Variants in PLG observed in about 807,000 individuals in gnomAD.
PLG encodes plasmin.
Under a neutral mutation model 104.4 loss-of-function variants are expected in PLG, and 41 were observed. The ratio of observed to expected loss-of-function variants is 0.39; its 90% CI spans 0.31 to 0.51. PLG has a LOEUF of 0.51. PLG is among the 20% of genes least tolerant of loss of function. The pLI, the probability that PLG is intolerant of heterozygous loss-of-function variation, is 0.76. For missense variants in PLG, 891 were observed against 1,003.6 expected (o/e 0.89, Z 1.52); for synonymous variants, 337 against 357.1 (o/e 0.94, Z 0.63).
intron 3 of PLG, among the ~76,000 whole-genome samples, chr6:160,709,211 T>C (rs957923215): frequency 6.6e-6 from 1 of 152,186 alleles, no homozygotes; most frequent in African/African-American, 2.4e-5. Context: ...AGTCATTTTT[T>C]GGTCCTTGTT....
At position 160,705,086 on chromosome 6, in the gene PLG, C is replaced by T. The variant is rs540497607; in HGVS notation, c.50-1321C>T. ...ACCCACCCCCTCTGCCTGCGGCCCC[C>T]ACCACGCCCCTCAAAGTGGTCAAGG... On this transcript the variant is annotated intron_variant, in intron 1 of 18. Transcript: ENST00000308192. Among the ~76,000 whole-genome samples, 381 of 152,304 alleles carry T rather than the reference C, an allele frequency of 2.5e-3. 2 individuals carry two copies. The highest frequency in any genetic ancestry group is 8.7e-3 in the African/African-American group (362 of 41,554).
At chr6:160,716,447 A>G (rs1005352660) in intron 6 of PLG, among the ~76,000 whole-genome samples, 198 bp from the exon 7 acceptor site, 1 of 151,924 alleles carries the variant, frequency 6.6e-6, no homozygotes, top group African/African-American at 2.4e-5. Context: ...AAAAACAAAC[A>G]AAAAAAAGAA....
intron 6 of PLG, 84 bp from the exon 7 acceptor site, chr6:160,716,561 G>T: frequency 1.2e-6 from 1 of 851,744 alleles, no homozygotes. Flanking sequence ...GCACACAGCA[G>T]GTGCTCAATG....
chr6:160,714,981 G>A (rs1777706628), intron 6 of PLG, 67 bp downstream of exon 6: 3 of 1,511,212 alleles, frequency 2.0e-6, no homozygotes, highest in East Asian at 2.3e-5. Flanking sequence ...GACATTTGCT[G>A]TCATTTAGAT....
intron 5 of PLG, among the ~76,000 whole-genome samples, chr6:160,713,850 C>T (rs1477716495): frequency 6.6e-6 from 1 of 152,142 alleles, no homozygotes; most frequent in African/African-American, 2.4e-5. Context: ...TTTAATAGTG[C>T]ACCTCAAAGG....
intron 3 of PLG, among the ~76,000 whole-genome samples, chr6:160,709,801 A>G (rs1157042699): frequency 6.6e-6 from 1 of 152,246 alleles, no homozygotes; most frequent in Non-Finnish European, 1.5e-5. Context: ...TTGGGTTAAA[A>G]GCATTAGTTT....
chr6:160,731,158 CAG>C lies in PLG; in HGVS notation c.1365_1366del (p.Gly456AsnfsTer56). ...GAGTACTGCAACCTGAAAAAATGCTCAGGAACAGAAGCGAGTGTTGTAGCACC... is the reference window on the plus strand; with the variant it reads ...GAGTACTGCAACCTGAAAAAATGCTCGAACAGAAGCGAGTGTTGTAGCACC... On this transcript the variant is annotated frameshift_variant, in exon 11 of 19. Coordinates refer to ENST00000308192, the MANE Select transcript of PLG (RefSeq NM_000301.5). LOFTEE classifies it high-confidence loss of function. This position sits in a 1 kb window ranked among gnomAD's most constrained non-coding sequence, Gnocchi z 5.1. 1 of 1,614,114 alleles carries C rather than the reference CAG, an allele frequency of 6.2e-7. No homozygotes were observed.
rs4252119 is a variant in PLG at position 160,722,533 on chromosome 6, C to T, written c.1222C>T (p.Arg408Trp). The T allele has an allele frequency of 2.3e-3, 3,728 of 1,613,858 alleles. 76 individuals carry two copies. In the African/African-American group the frequency reaches 0.04, roughly 17 times the overall value. ...CQSWSSMTPH[R>W]HQKTPENYPN... ...GTCTTGGTCATCTATGACACCACAC[C>T]GGCACCAGAAGACCCCAGAAAACTA... The change falls in exon 10 of 19, where the codon CGG becomes TGG. Residue 408 changes from arginine (R) to tryptophan (W), a missense_variant. Arg to Trp is a moderately radical substitution (Grantham distance 101). This residue lies in a region of PLG where 854 missense variants were observed against 932.1 expected (regional missense o/e 0.92). Transcript: ENST00000308192.
rs1390810809 is a variant in PLG, at chr6:160,723,727, G to T, written c.1256+1160G>T. On this transcript the variant is annotated intron_variant, in intron 10 of 18. Coordinates refer to ENST00000308192, the MANE Select transcript of PLG (RefSeq NM_000301.5). The surrounding 1 kb of genome is among the most constrained non-coding windows in gnomAD (Gnocchi z 4.7). ...CAGAGAGAAAATAGGATAAAGAACA[G>T]CTACTGGGGAAAGAAAAACTGCAGG... 6.6e-6 allele frequency among the ~76,000 whole-genome samples: 1 copy of T among 152,166 alleles called. No individual in the cohort carries two copies. Among genetic ancestry groups the T allele is most frequent in the African/African-American group, 2.4e-5 (1 of 41,440 alleles).
chr6:160,704,856 A>G (rs1171439022), intron 1 of PLG, among the ~76,000 whole-genome samples: 1 of 152,292 alleles, frequency 6.6e-6, no homozygotes, highest in East Asian at 1.9e-4. Context: ...TACCCTCAGG[A>G]GGTCAGGACA....
chr6:160,745,743 G>A (rs984070253), intron 17 of PLG, among the ~76,000 whole-genome samples: 14 of 152,152 alleles, frequency 9.2e-5, no homozygotes, highest in Admixed American at 3.3e-4. Context: ...ATTGGTCTGC[G>A]TATTTAAGTA....
intron 3 of PLG, among the ~76,000 whole-genome samples, chr6:160,710,097 C>A (rs1187386577): frequency 6.6e-6 from 1 of 152,160 alleles, no homozygotes; most frequent in Non-Finnish European, 1.5e-5. Context: ...CATATCTCGA[C>A]ATTTATTAAT....
intron 1 of PLG, among the ~76,000 whole-genome samples, chr6:160,703,410 G>T (rs968337211): frequency 6.6e-6 from 1 of 152,090 alleles, no homozygotes; most frequent in Non-Finnish European, 1.5e-5. Flanking sequence ...CCCCAAAAAC[G>T]CACTCCACTC....
chr6:160,730,758 T>G (rs1777986192), intron 10 of PLG: 2 of 320,458 alleles, frequency 6.2e-6, no homozygotes, highest in East Asian at 1.4e-4. Flanking sequence ...TGGCAGAAGG[T>G]GGGAGGGGGA....
chr6:160,747,098 A>T (rs139126299), intron 17 of PLG, among the ~76,000 whole-genome samples: 134 of 152,358 alleles, frequency 8.8e-4, no homozygotes, highest in African/African-American at 3.1e-3. Context: ...TAAAACAATA[A>T]CAACAAAAGT....
At chr6:160,710,700 C>T (rs1169710942) in intron 3 of PLG, among the ~76,000 whole-genome samples, 1 of 152,184 alleles carries the variant, frequency 6.6e-6, no homozygotes, top group Non-Finnish European at 1.5e-5. Context: ...TCTGTCTCAT[C>T]ATGTATGTAA....
intron 10 of PLG, among the ~76,000 whole-genome samples, chr6:160,730,169 G>A (rs1418312517): frequency 6.6e-6 from 1 of 152,200 alleles, no homozygotes; most frequent in African/African-American, 2.4e-5. Flanking sequence ...CCCAGCCCGG[G>A]GTCCTCGCCT....
chr6:160,731,422 T>C lies in PLG; in HGVS notation c.1438+190T>C, dbSNP rs562599540. 6.6e-6 allele frequency among the ~76,000 whole-genome samples: 1 copy of C among 152,166 alleles called. No individual in the cohort carries two copies. The highest frequency in any genetic ancestry group is 6.5e-5 in the Admixed American group (1 of 15,280). The stretch of plus-strand genomic sequence containing the variant: ...GGTGTGACTTTTGGCACAACGTGAG[T>C]GGGCTGTGCCTTTAGGACAGGTGCA... On this transcript the variant is annotated intron_variant, in intron 11 of 18. Transcript: ENST00000308192. This position sits in a 1 kb window ranked among gnomAD's most constrained non-coding sequence, Gnocchi z 5.1.
rs755816688 is a variant in PLG at position 160,702,359 on chromosome 6, A to T, written c.49+6A>T. The T allele has an allele frequency of 8.8e-6, 14 of 1,594,698 alleles. No individual in the cohort carries two copies. In the East Asian group the frequency reaches 3.1e-4, roughly 36 times the overall value. ...TCTTTTATTTCTGAAATCAGGTAAG[A>T]CATAGTTTTTTTAAATTATAAGAAT... On this transcript the variant is annotated splice_donor_region_variant and intron_variant, in intron 1 of 18. Transcript: ENST00000308192.
Sources: allele counts gnomAD v4.1 joint callset (sites outside exome capture counted in the v4.1 genomes callset), GRCh38; gene constraint gnomAD v4.1.1; regional missense constraint gnomAD v4.1.1; non-coding constraint Gnocchi (gnomAD v3.1); transcripts MANE v1.5; gene names NCBI Gene and HGNC (gene_info 2026-07-23, HGNC 2026-07-21).